Variants in USP48 observed in about 807,000 individuals in gnomAD.
The protein encoded by USP48 is ubiquitin carboxyl-terminal hydrolase 48.
In USP48, 43 loss-of-function variants were observed where a neutral mutation model predicts 150.7. The observed-to-expected ratio is 0.29, with a 90% confidence interval of 0.22 to 0.37. The LOEUF (loss-of-function observed/expected upper bound fraction) is 0.37, where lower values mean the gene tolerates loss of function less well. USP48 is among the 10% of genes least tolerant of loss of function. USP48 has a pLI of 1.00. For missense variants in USP48, 813 were observed against 1,249.6 expected, an observed-to-expected ratio of 0.65 and a Z score of 5.27; for synonymous variants, 396 against 425.9, an observed-to-expected ratio of 0.93 and a Z score of 0.86.
chr1:21,762,159 T>C (rs923994737), intron 1 of USP48, among the ~76,000 whole-genome samples: 3 of 151,924 alleles, frequency 2.0e-5, no homozygotes, highest in South Asian at 2.1e-4. Flanking sequence ...CCCAGCTACT[T>C]GGGAGGCTGA....
At position 21,739,066 on chromosome 1, in the gene USP48, C is replaced by G. The variant is rs984616230; in HGVS notation, c.992-2441G>C. Among the ~76,000 whole-genome samples the G allele has an allele frequency of 7.2e-5, 11 of 152,168 alleles. 1 individual carries two copies. Among genetic ancestry groups the G allele is most frequent in the Admixed American group, 5.9e-4 (9 of 15,276 alleles). On this transcript the variant is annotated intron_variant, in intron 8 of 26. Coordinates refer to ENST00000308271, the MANE Select transcript of USP48 (RefSeq NM_032236.8). ...GCAATAAGCCATGTAGTAAGGACAA[C>G]AGAGTTTCCCTCTGCGAGTGTTAGG...
At chr1:21,759,601 T>C (rs537291450) in intron 1 of USP48, among the ~76,000 whole-genome samples, 1 of 152,248 alleles carries the variant, frequency 6.6e-6, no homozygotes, top group South Asian at 2.1e-4. Flanking sequence ...TGAAAGATGG[T>C]GGAGACATGT....
intron 14 of USP48, among the ~76,000 whole-genome samples, chr1:21,720,093 T>C (rs185706305): frequency 7.9e-5 from 12 of 152,292 alleles, no homozygotes; most frequent in Non-Finnish European, 1.3e-4. Flanking sequence ...TTTGAAAGCA[T>C]AGGAAACTCA....
intron 22 of USP48, among the ~76,000 whole-genome samples, chr1:21,698,643 T>A (rs1433055416): frequency 6.6e-6 from 1 of 152,216 alleles, no homozygotes; most frequent in African/African-American, 2.4e-5. Context: ...TTTACAAAGT[T>A]AACCAGAGAA....
chr1:21,745,791 A>G (rs952677111), intron 8 of USP48, among the ~76,000 whole-genome samples: 1 of 152,212 alleles, frequency 6.6e-6, no homozygotes, highest in African/African-American at 2.4e-5. Flanking sequence ...CTGGACTGGG[A>G]AGCCACTAAC....
At chr1:21,744,518 G>GT (rs2097789590) in intron 8 of USP48, among the ~76,000 whole-genome samples, 1 of 151,490 alleles carries the variant, frequency 6.6e-6, no homozygotes, top group Non-Finnish European at 1.5e-5. Flanking sequence ...GGTCACGCCT[G>GT]TAATTCCAGC....
At chr1:21,773,757 C>T (rs914197544) in intron 1 of USP48, among the ~76,000 whole-genome samples, 1 of 152,070 alleles carries the variant, frequency 6.6e-6, no homozygotes, top group South Asian at 2.1e-4. Context: ...CACTCAAGAT[C>T]GATGCAGAGG....
chr1:21,742,543 CAAAA>C, intron 8 of USP48, among the ~76,000 whole-genome samples: 1 of 130,126 alleles, frequency 7.7e-6, no homozygotes, highest in African/African-American at 2.9e-5. Flanking sequence ...GACTCTATCT[CAAAA>C]AAAAAAAGAA....
At chr1:21,699,888 AAGATGGCTTGTATAGACCACAG>A in intron 22 of USP48, among the ~76,000 whole-genome samples, 1 of 151,638 alleles carries the variant, frequency 6.6e-6, no homozygotes, top group South Asian at 2.1e-4. Flanking sequence ...TGTGGCTCGA[AAGATGGCTTGTATAGACCACAG>A]AGATGTCCCC....
rs377447367 is a variant in USP48 at position 21,680,722 on chromosome 1, TAAAATC to T, written c.3085+80_3085+85del. ...ATGAGACTCAGATTGGATTAAAATT[TAAAATC>T]AAATTATAGCCTTCGCTTTAACAGA... On this transcript the variant is annotated intron_variant, in intron 26 of 26. Transcript: ENST00000308271. 2.3e-5 allele frequency: 30 copies of T among 1,325,452 alleles called. No individual in the cohort carries two copies. The South Asian group carries it at 3.9e-4, about 17-fold the overall frequency. 82.1% of individuals were successfully genotyped at this position (1,325,452 alleles called of 1,614,324 possible).
intron 1 of USP48, among the ~76,000 whole-genome samples, chr1:21,763,371 C>T (rs1206760548): frequency 6.6e-6 from 1 of 152,150 alleles, no homozygotes; most frequent in Non-Finnish European, 1.5e-5. Context: ...CAGGTGGGAA[C>T]CAAAAAGCCA....
At chr1:21,704,132 T>C in intron 20 of USP48, 130 bp downstream of exon 20, 1 of 995,440 alleles carries the variant, frequency 1.0e-6, no homozygotes, top group Non-Finnish European at 1.5e-6. Context: ...ATGATTATAA[T>C]GAGAGTTTCC....
Position 21,715,259 on chromosome 1 carries a change from T to C in USP48, c.1963+130A>G, listed in dbSNP as rs932616226. The C allele has an allele frequency of 2.9e-5, 17 of 586,956 alleles. 1 individual carries two copies. Among genetic ancestry groups the C allele is most frequent in the East Asian group, 9.3e-5 (3 of 32,388 alleles). The allele number at this position is 586,956 out of a possible 1,614,324, so 36.4% of individuals were successfully genotyped here. A position where few individuals can be genotyped will look rare whatever the true frequency, so the allele number is the denominator to read the frequency against. ...CTTTTCCAATGATTTCCTCTAAATATGGGGAAATTCTATTAAAAAAAATTT... is the reference window on the plus strand; with the variant it reads ...CTTTTCCAATGATTTCCTCTAAATACGGGGAAATTCTATTAAAAAAAATTT... On this transcript the variant is annotated intron_variant, in intron 15 of 26. Transcript: ENST00000308271.
intron 9 of USP48, among the ~76,000 whole-genome samples, chr1:21,733,101 G>A (rs2097760803): frequency 6.6e-6 from 1 of 152,170 alleles, no homozygotes; most frequent in Non-Finnish European, 1.5e-5. Context: ...GTAAGAGGAG[G>A]TTAGTCATCC....
At chr1:21,760,870 GATC>G (rs2097848256) in intron 1 of USP48, among the ~76,000 whole-genome samples, 1 of 152,126 alleles carries the variant, frequency 6.6e-6, no homozygotes, top group Admixed American at 6.5e-5. Context: ...TGAGGCAGGC[GATC>G]ACCTGAGGTC....
At chr1:21,754,466 A>G (rs1383372736) in intron 3 of USP48, among the ~76,000 whole-genome samples, 1 of 152,224 alleles carries the variant, frequency 6.6e-6, no homozygotes, top group East Asian at 1.9e-4. Context: ...CCCAGAAGAC[A>G]GAAGTCTTAT....
chr1:21,729,931 A>G, intron 9 of USP48, 99 bp from the exon 10 acceptor site: 1 of 1,439,842 alleles, frequency 6.9e-7, no homozygotes, highest in East Asian at 2.3e-5. Context: ...TATACACCCA[A>G]GACACATTAA....
chr1:21,768,542 A>C (rs1187836883), intron 1 of USP48: 1 of 152,150 alleles, frequency 6.6e-6, no homozygotes, highest in Non-Finnish European at 1.5e-5. Context: ...TCTCAGACTG[A>C]AAAATTTCTT....
intron 1 of USP48, among the ~76,000 whole-genome samples, chr1:21,767,473 C>T (rs757038015): frequency 6.6e-6 from 1 of 151,996 alleles, no homozygotes; most frequent in Admixed American, 6.6e-5. Flanking sequence ...TCCAGGTGTG[C>T]GTCACCATGC....
Sources: gnomAD v4.1 joint callset for allele counts (sites outside exome capture counted in the v4.1 genomes callset) on GRCh38, gnomAD v4.1.1 for gene constraint, MANE v1.5 for transcripts, NCBI Gene and HGNC (gene_info 2026-07-23, HGNC 2026-07-21) for gene names.